The following TOP2B variants were observed in gnomAD, a reference collection of about 807,000 sequenced individuals.
TOP2B encodes the protein DNA topoisomerase II beta.
A neutral mutation model predicts 193.5 loss-of-function variants in TOP2B; 51 were observed. The observed-to-expected ratio is 0.26, with a 90% CI of 0.21 to 0.33. The LOEUF (loss-of-function observed/expected upper bound fraction) is 0.33, where lower values mean the gene tolerates loss of function less well. TOP2B is among the 10% of genes least tolerant of loss of function. TOP2B has a pLI of 1.00. For synonymous variants in TOP2B, 634 were observed against 635.7 expected (o/e 1.00, Z 0.04); for missense variants, 1,378 against 1,909.3 (o/e 0.72, Z 5.19).
intron 34 of TOP2B, among the ~76,000 whole-genome samples, chr3:25,600,480 G>A (rs912569817): frequency 3.3e-5 from 5 of 152,122 alleles, no homozygotes; most frequent in African/African-American, 1.2e-4. Flanking sequence ...TAGGTCTACA[G>A]CTCCTTATCC....
chr3:25,643,902 A>G, intron 2 of TOP2B, 118 bp from the exon 3 acceptor site: 1 of 649,110 alleles, frequency 1.5e-6, no homozygotes, highest in Non-Finnish European at 2.7e-6. Context: ...CAAAGTAGAA[A>G]AACATATACA....
rs148527051 is a variant in TOP2B at position 25,647,577 on chromosome 3, T to C, written c.70-2107A>G. 2.0e-4 allele frequency among the ~76,000 whole-genome samples: 30 copies of C among 152,078 alleles called. No individual in the cohort carries two copies. In the East Asian group the frequency reaches 5.0e-3, roughly 25 times the overall value. On this transcript the variant is annotated intron_variant, in intron 1 of 35. Transcript: ENST00000264331. ...AACCAGAGGCTCATGTCTATCTAAT[T>C]TGTATGAACTAAACTGAACTAAAGG...
Position 25,632,508 on chromosome 3 carries a change from T to C in TOP2B, c.1204A>G (p.Met402Val). Reference sequence around the variant, plus strand: ...CCAAAACTTTTGGGCTGCAGAGTCATGTTTTCCTTAGTCTGAGAATCAAAA... The same window carrying C: ...CCAAAACTTTTGGGCTGCAGAGTCACGTTTTCCTTAGTCTGAGAATCAAAA... The part of the protein sequence containing the change: ...PTFDSQTKEN[M>V]TLQPKSFGSK... Residue 402 changes from methionine (M) to valine (V), a missense_variant, in exon 10 of 36, where the codon ATG becomes GTG. Met to Val is a conservative substitution (Grantham distance 21, BLOSUM62 1). Around this residue, in one of 9 missense-constraint regions of TOP2B, gnomAD observed 222 missense variants for 306.6 expected, o/e 0.72. Transcript: ENST00000264331. 6.3e-7 allele frequency: 1 copy of C among 1,587,644 alleles called. No homozygotes were observed. The highest frequency in any genetic ancestry group is 8.5e-7 in the Non-Finnish European group (1 of 1,169,724).
chr3:25,651,179 T>C (rs1034397607), intron 1 of TOP2B, among the ~76,000 whole-genome samples: 2 of 152,080 alleles, frequency 1.3e-5, no homozygotes, highest in African/African-American at 2.4e-5. Context: ...CACTTAAATA[T>C]AGTATAGAAT....
chr3:25,612,750 C>G, intron 27 of TOP2B, 41 bp from the exon 28 acceptor site: 1 of 1,489,654 alleles, frequency 6.7e-7, no homozygotes. Flanking sequence ...TAAACAACTT[C>G]TTAGAAAAGA....
At position 25,601,166 on chromosome 3, in the gene TOP2B, C is replaced by T. The variant is rs756386480; in HGVS notation, c.4549G>A (p.Val1517Ile). 8 of 1,613,658 alleles carry T rather than the reference C, an allele frequency of 5.0e-6. No individual in the cohort carries two copies. In the Admixed American group the frequency reaches 1.0e-4, roughly 20 times the overall value. The change falls in exon 34 of 36, where the codon GTA becomes ATA. Residue 1517 changes from valine (V) to isoleucine (I), a missense_variant. Physicochemically the swap from Val to Ile is conservative, Grantham distance 29. Coordinates refer to ENST00000264331, the MANE Select transcript of TOP2B (RefSeq NM_001330700.2). ...PKRAPKQKKVVEAVNSDSDSE... is the reference protein window; with the variant it reads ...PKRAPKQKKVIEAVNSDSDSE... ...TCCGAGTCAGAGTTTACAGCCTCTA[C>T]TACTTTCTTCTGTTTTGGGGCTCTC...
At chr3:25,638,797 T>A (rs1191707189) in intron 4 of TOP2B, among the ~76,000 whole-genome samples, 1 of 152,148 alleles carries the variant, frequency 6.6e-6, no homozygotes. Flanking sequence ...ACCTCTCTTA[T>A]AAAATTTCAA....
intron 1 of TOP2B, among the ~76,000 whole-genome samples, chr3:25,655,303 A>G (rs188160887): frequency 6.6e-5 from 10 of 152,330 alleles, no homozygotes; most frequent in Middle Eastern, 3.4e-3. Context: ...AACATTACTA[A>G]TAAGAGAAAT....
At chr3:25,619,490 G>C (rs1294600105) in intron 23 of TOP2B, among the ~76,000 whole-genome samples, 1 of 152,098 alleles carries the variant, frequency 6.6e-6, no homozygotes, top group African/African-American at 2.4e-5. Flanking sequence ...AAAGATAAAT[G>C]TGCAAGTTTA....
intron 1 of TOP2B, among the ~76,000 whole-genome samples, chr3:25,660,158 T>C (rs955242381): frequency 1.3e-5 from 2 of 152,196 alleles, no homozygotes; most frequent in East Asian, 3.8e-4. Flanking sequence ...TGCTATATCA[T>C]GTACTTGAGA....
chr3:25,608,896 T>C (rs1702300479), intron 30 of TOP2B, among the ~76,000 whole-genome samples: 1 of 152,150 alleles, frequency 6.6e-6, no homozygotes, highest in African/African-American at 2.4e-5. Context: ...AGATCTATCA[T>C]TGCTGGTATT....
intron 1 of TOP2B, among the ~76,000 whole-genome samples, chr3:25,661,555 GAATT>G (rs1415069527): frequency 1.1e-4 from 16 of 152,142 alleles, no homozygotes; most frequent in Middle Eastern, 3.2e-3. Flanking sequence ...GCTCTACAAA[GAATT>G]AATTCAAGAA....
chr3:25,647,030 G>A (rs1703432800), intron 1 of TOP2B, among the ~76,000 whole-genome samples: 1 of 152,134 alleles, frequency 6.6e-6, no homozygotes, highest in Non-Finnish European at 1.5e-5. Context: ...ATTAAAAGTA[G>A]CTTTGGATAA....
At chr3:25,604,277 T>C (rs1051857892) in intron 33 of TOP2B, among the ~76,000 whole-genome samples, 1 of 152,186 alleles carries the variant, frequency 6.6e-6, no homozygotes, top group South Asian at 2.1e-4. Context: ...CCACGGTACA[T>C]ATATCTTGGT....
intron 1 of TOP2B, among the ~76,000 whole-genome samples, chr3:25,659,992 T>A (rs889703689): frequency 1.3e-5 from 2 of 152,352 alleles, no homozygotes; most frequent in African/African-American, 2.4e-5. Flanking sequence ...TGGGGTTCTA[T>A]ACGTGTTAAT....
Position 25,598,027 on chromosome 3 carries a change from G to T in TOP2B, c.*280C>A. ...GTTTAAATTTCATTTCAAAAAGCAG[G>T]TCTGTAGTTTGTAACCATGACAATT... On this transcript the variant is annotated 3_prime_UTR_variant, in exon 36 of 36. Coordinates refer to ENST00000264331, the MANE Select transcript of TOP2B (RefSeq NM_001330700.2). 4.5e-6 allele frequency: 1 copy of T among 224,102 alleles called. No homozygotes were observed. The highest frequency in any genetic ancestry group is 1.6e-4 in the South Asian group (1 of 6,148). The allele number at this position is 224,102 out of a possible 1,614,324, so 13.9% of individuals were successfully genotyped here.
chr3:25,652,033 C>G (rs1249968695), intron 1 of TOP2B, among the ~76,000 whole-genome samples: 1 of 152,166 alleles, frequency 6.6e-6, no homozygotes. Flanking sequence ...AAACTGGAAT[C>G]TGAAGAGAGT....
At chr3:25,640,847 C>A (rs1449381529) in intron 4 of TOP2B, among the ~76,000 whole-genome samples, 1 of 150,482 alleles carries the variant, frequency 6.6e-6, no homozygotes, top group Non-Finnish European at 1.5e-5. Context: ...AGCCTGACCT[C>A]CCAGGCTCAA....
chr3:25,629,694 A>G (rs1030366353), intron 13 of TOP2B, among the ~76,000 whole-genome samples: 4 of 152,094 alleles, frequency 2.6e-5, no homozygotes, highest in Admixed American at 2.6e-4. Flanking sequence ...AAGTCCTGGT[A>G]TTTGTGCATT....
Sources: allele counts gnomAD v4.1 joint callset (sites outside exome capture counted in the v4.1 genomes callset), GRCh38; gene constraint gnomAD v4.1.1; regional missense constraint gnomAD v4.1.1; transcripts MANE v1.5; gene names NCBI Gene and HGNC (gene_info 2026-07-23, HGNC 2026-07-21).